Variants in GPR63 observed in about 807,000 individuals in gnomAD.
GPR63 encodes the protein probable G protein-coupled receptor 63.
In GPR63, 12 loss-of-function variants were observed where a neutral mutation model predicts 23.1. That is an observed-to-expected ratio of 0.52 (90% CI 0.33 to 0.84). The LOEUF (loss-of-function observed/expected upper bound fraction) is 0.84. GPR63 is among the 40% of genes least tolerant of loss of function. GPR63 has a pLI of 0.02. For synonymous variants in GPR63, 172 were observed against 191.1 expected, an observed-to-expected ratio of 0.90 and a Z score of 0.82; for missense variants, 472 against 515.6, an observed-to-expected ratio of 0.92 and a Z score of 0.82.
intron 1 of GPR63, among the ~76,000 whole-genome samples, chr6:96,832,295 TTCTC>T (rs777346151): frequency 3.9e-5 from 6 of 152,110 alleles, no homozygotes; most frequent in Non-Finnish European, 7.4e-5. Flanking sequence ...GACAGGGTCT[TTCTC>T]TGTTGTCCTG....
At chr6:96,835,985 A>G (rs1774717569) in intron 1 of GPR63, among the ~76,000 whole-genome samples, 1 of 152,174 alleles carries the variant, frequency 6.6e-6, no homozygotes, top group Non-Finnish European at 1.5e-5. Context: ...ATTGTTCAAA[A>G]TGATCTGAAT....
chr6:96,811,849 T>TAAATAAAA (rs1356647343), intron 1 of GPR63, among the ~76,000 whole-genome samples: 2 of 63,926 alleles, frequency 3.1e-5, no homozygotes, highest in African/African-American at 1.1e-4. Context: ...AATAAATAAA[T>TAAATAAAA]AAATAAATAA....
Position 96,837,431 on chromosome 6 carries a change from C to T in GPR63, c.-314G>A. On this transcript the variant is annotated 5_prime_UTR_variant, in exon 1 of 2. Transcript: ENST00000229955. ...GAGGACAACGAAGAGGAGGTGGTGG[C>T]GGCGGCGGCGATACAGGCGGCGGTG... 1.9e-5 allele frequency: 3 copies of T among 154,076 alleles called. No homozygotes were observed. The highest frequency in any genetic ancestry group is 1.9e-4 in the East Asian group (1 of 5,178). 9.5% of individuals were successfully genotyped at this position (154,076 alleles called of 1,614,324 possible). A position where few individuals can be genotyped will look rare whatever the true frequency, so the allele number is the denominator to read the frequency against.
intron 1 of GPR63, among the ~76,000 whole-genome samples, chr6:96,828,858 C>T (rs944812502): frequency 3.3e-5 from 5 of 151,892 alleles, no homozygotes; most frequent in African/African-American, 7.3e-5. Context: ...GACCCTTCAT[C>T]GTTGTATTAC....
rs7744121 is a variant in GPR63, at chr6:96,832,009, A to G, written c.-151+5259T>C. On this transcript the variant is annotated intron_variant, in intron 1 of 1. Transcript: ENST00000229955. Reference sequence around the variant, plus strand: ...AAAAAAATTATATCCCCAATAAACTATGATACATCCATAGAATAATATTAT... The same window carrying G: ...AAAAAAATTATATCCCCAATAAACTGTGATACATCCATAGAATAATATTAT... Among the ~76,000 whole-genome samples the G allele has an allele frequency of 7.3e-3, 1,111 of 152,218 alleles. 17 individuals are homozygous for G. The highest frequency in any genetic ancestry group is 0.025 in the African/African-American group (1,036 of 41,566).
rs542607463 is a variant in GPR63, at chr6:96,813,546, C to T, written c.-150-13665G>A. Among the ~76,000 whole-genome samples, 16 of 152,258 alleles carry T rather than the reference C, an allele frequency of 1.1e-4. No homozygotes were observed. The South Asian group carries it at 3.1e-3, about 30-fold the overall frequency. ...AAAGATACTTGATATGCTTTCAATT[C>T]TATTGAGATTTGCTTTGCATCCCAA... On this transcript the variant is annotated intron_variant, in intron 1 of 1. Transcript: ENST00000229955.
Position 96,799,017 on chromosome 6 carries a change from A to AC in GPR63, c.714_715insG (p.Tyr239ValfsTer40). ...GAAATCAAAATCACATAAGCCTGGT[A>AC]GCCTGGATTGGTTGTGTACCCAAAC... On this transcript the variant is annotated frameshift_variant, in exon 2 of 2. Transcript: ENST00000229955. LOFTEE classifies it high-confidence loss of function. 1 of 1,614,198 alleles carries AC rather than the reference A, an allele frequency of 6.2e-7. No homozygotes were observed.
chr6:96,804,901 G>A lies in GPR63; in HGVS notation c.-150-5020C>T, dbSNP rs116490248. 2.3e-3 allele frequency among the ~76,000 whole-genome samples: 353 copies of A among 152,156 alleles called. 2 individuals carry two copies. Among genetic ancestry groups the A allele is most frequent in the African/African-American group, 8.0e-3 (332 of 41,524 alleles). ...TATATTTACTGATAAGCCAACAGTA[G>A]AATATTTTCCGTTCTTGTTTAACTT... On this transcript the variant is annotated intron_variant, in intron 1 of 1. Coordinates refer to ENST00000229955, the MANE Select transcript of GPR63 (RefSeq NM_030784.4).
At chr6:96,817,641 A>G (rs1435324755) in intron 1 of GPR63, among the ~76,000 whole-genome samples, 1 of 152,192 alleles carries the variant, frequency 6.6e-6, no homozygotes, top group Admixed American at 6.5e-5. Flanking sequence ...TATTCATATA[A>G]TCAAATACTA....
At chr6:96,803,230 G>C (rs370305732) in intron 1 of GPR63, among the ~76,000 whole-genome samples, 1 of 152,290 alleles carries the variant, frequency 6.6e-6, no homozygotes, top group East Asian at 1.9e-4. Flanking sequence ...CTCAAAGGCT[G>C]TAACTAAACT....
chr6:96,811,336 G>A (rs1774039042), intron 1 of GPR63, among the ~76,000 whole-genome samples: 1 of 152,228 alleles, frequency 6.6e-6, no homozygotes, highest in Non-Finnish European at 1.5e-5. Context: ...ACTGACAGCA[G>A]AATAAAACAG....
intron 1 of GPR63, among the ~76,000 whole-genome samples, chr6:96,806,430 A>G (rs915362493): frequency 1.8e-4 from 27 of 152,312 alleles, no homozygotes; most frequent in African/African-American, 6.5e-4. Context: ...AAAAGCTGCC[A>G]TATTTGAGTA....
chr6:96,802,706 A>ATT (rs370548140), intron 1 of GPR63, among the ~76,000 whole-genome samples: 36,242 of 144,584 alleles, frequency 0.25, 4,521 homozygotes, highest in East Asian at 0.34. Context: ...TGCCCAGCTA[A>ATT]TTTTTTTTTT....
chr6:96,825,660 C>T (rs1212172766), intron 1 of GPR63, among the ~76,000 whole-genome samples: 1 of 151,908 alleles, frequency 6.6e-6, no homozygotes, highest in East Asian at 1.9e-4. Context: ...GACAAAAAGA[C>T]TTTAAAACTG....
intron 1 of GPR63, among the ~76,000 whole-genome samples, chr6:96,824,922 A>C (rs1774401843): frequency 6.6e-6 from 1 of 152,194 alleles, no homozygotes; most frequent in Non-Finnish European, 1.5e-5. Flanking sequence ...GACTGGTAAG[A>C]CCAAAGGCCC....
Position 96,799,860 on chromosome 6 carries a change from T to C in GPR63, c.-129A>G. On this transcript the variant is annotated 5_prime_UTR_variant, in exon 2 of 2. The change abolishes an upstream ATG in the 5' untranslated region. Transcript: ENST00000229955. Reference sequence around the variant, plus strand: ...TCTGGAAAATGGACAATGAGTTCCATCTTCCACAAGAGTCCTTTTGCCTGA... The same window carrying C: ...TCTGGAAAATGGACAATGAGTTCCACCTTCCACAAGAGTCCTTTTGCCTGA... The C allele has an allele frequency of 1.1e-6, 1 of 901,462 alleles. No homozygotes were observed. The highest frequency in any genetic ancestry group is 1.8e-6 in the Non-Finnish European group (1 of 563,012). 55.8% of individuals were successfully genotyped at this position (901,462 alleles called of 1,614,324 possible). A position where few individuals can be genotyped will look rare whatever the true frequency, so the allele number is the denominator to read the frequency against.
Position 96,798,998 on chromosome 6 carries a change from A to G in GPR63, c.734T>C (p.Leu245Ser), listed in dbSNP as rs771369426. ...TNPGYQAYVI[L>S]ISLISFFIPF... is the part of the protein sequence containing the mutation. ...TATGAAGAAAGAAATGAGAGAAATC[A>G]AAATCACATAAGCCTGGTAGCCTGG... The change falls in exon 2 of 2, where the codon TTG (leucine) becomes TCG (serine). Residue 245 changes from leucine (L) to serine (S), a missense_variant. Physicochemically the swap from Leu to Ser is moderately radical, Grantham distance 145. Transcript: ENST00000229955. The G allele has an allele frequency of 6.2e-7, 1 of 1,614,186 alleles. No individual in the cohort carries two copies. Among genetic ancestry groups the G allele is most frequent in the Admixed American group, 1.7e-5 (1 of 60,014 alleles).
At chr6:96,810,986 T>C (rs143470781) in intron 1 of GPR63, among the ~76,000 whole-genome samples, 1 of 152,338 alleles carries the variant, frequency 6.6e-6, no homozygotes, top group Non-Finnish European at 1.5e-5. Context: ...CTGTGTATCC[T>C]AAAGTTGCTT....
chr6:96,803,660 A>G (rs1773826849), intron 1 of GPR63, among the ~76,000 whole-genome samples: 1 of 152,206 alleles, frequency 6.6e-6, no homozygotes, highest in African/African-American at 2.4e-5. Flanking sequence ...GAATGCTCAC[A>G]GTAACTACAT....
Sources: allele counts gnomAD v4.1 joint callset (sites outside exome capture counted in the v4.1 genomes callset), GRCh38; gene constraint gnomAD v4.1.1; transcripts MANE v1.5; gene names NCBI Gene and HGNC (gene_info 2026-07-23, HGNC 2026-07-21).